Variants in FGF14 observed in about 807,000 individuals in gnomAD.
FGF14 encodes fibroblast growth factor 14, also known as fibroblast growth factor homologous factor 4.
FGF14 carries 5 observed loss-of-function variants against 25.5 expected under a neutral mutation model. That is an observed-to-expected ratio of 0.20 (90% CI 0.10 to 0.41). FGF14 has a LOEUF of 0.41. FGF14 is among the 10% of genes least tolerant of loss of function. The pLI is 1.00. For missense variants in FGF14, 222 were observed against 320.1 expected, an observed-to-expected ratio of 0.69 and a Z score of 2.34; for synonymous variants, 138 against 118.3, an observed-to-expected ratio of 1.17 and a Z score of -1.08.
Position 101,916,076 on chromosome 13 carries a change from C to A in FGF14, c.193+377G>T, listed in dbSNP as rs1039883334. Among the ~76,000 whole-genome samples, 15 of 152,312 alleles carry A rather than the reference C, an allele frequency of 9.8e-5. No homozygotes were observed. In the East Asian group the frequency reaches 2.5e-3, roughly 26 times the overall value. On this transcript the variant is annotated intron_variant, in intron 1 of 4. Transcript: ENST00000376143. Reference sequence around the variant, plus strand: ...ACCCCCACCAGCTCAGATCAGACTGCGAGCGGTGGCTCGACCCCGGGTGTG... The same window carrying A: ...ACCCCCACCAGCTCAGATCAGACTGAGAGCGGTGGCTCGACCCCGGGTGTG...
intron 1 of FGF14, among the ~76,000 whole-genome samples, chr13:101,982,824 C>T (rs1417243310): frequency 6.6e-6 from 1 of 152,162 alleles, no homozygotes; most frequent in African/African-American, 2.4e-5. Context: ...GAAGAAAGCT[C>T]TAAAGGCTCT....
At chr13:102,252,902 G>C (rs1425171069) in intron 1 of FGF14, among the ~76,000 whole-genome samples, 1 of 152,028 alleles carries the variant, frequency 6.6e-6, no homozygotes, top group African/African-American at 2.4e-5. Flanking sequence ...TCCCACTTAT[G>C]AGTGAGAACA....
rs16959384 is a variant in FGF14 at position 101,831,915 on chromosome 13, T to C, written c.408+36810A>G. Among the ~76,000 whole-genome samples the C allele has an allele frequency of 6.6e-3, 998 of 152,134 alleles. 12 individuals carry two copies. Among genetic ancestry groups the C allele is most frequent in the African/African-American group, 0.022 (930 of 41,526 alleles). On this transcript the variant is annotated intron_variant, in intron 3 of 4. Coordinates refer to ENST00000376143, the MANE Select transcript of FGF14 (RefSeq NM_004115.4). ...AATAAGCTGCCAATATTGGGCGTGA[T>C]AGTGTGTGATTGGGATTTAAAGTAG...
chr13:102,217,747 G>T (rs2050435894), intron 1 of FGF14, among the ~76,000 whole-genome samples: 1 of 152,198 alleles, frequency 6.6e-6, no homozygotes, highest in South Asian at 2.1e-4. Context: ...AGAGCAACAT[G>T]CAACCAACGC....
chr13:102,221,222 CTTAT>C (rs1381693434), intron 1 of FGF14, among the ~76,000 whole-genome samples: 2 of 152,152 alleles, frequency 1.3e-5, no homozygotes, highest in African/African-American at 4.8e-5. Context: ...GGAGACAACT[CTTAT>C]CAAAAGAGAA....
chr13:101,966,446 A>C (rs555834998), intron 1 of FGF14, among the ~76,000 whole-genome samples: 1 of 151,796 alleles, frequency 6.6e-6, no homozygotes, highest in Non-Finnish European at 1.5e-5. Context: ...CTCAGATTCC[A>C]GAACTGTTAG....
chr13:102,142,950 C>A (rs553756575), intron 1 of FGF14, among the ~76,000 whole-genome samples: 7 of 152,304 alleles, frequency 4.6e-5, no homozygotes, highest in African/African-American at 1.7e-4. Flanking sequence ...CTAAAATCTA[C>A]ACACCTTCTG....
intron 1 of FGF14, 148 bp downstream of exon 1, chr13:101,916,305 C>T (rs2033478017): frequency 2.1e-6 from 2 of 952,530 alleles, no homozygotes; most frequent in South Asian, 1.4e-5. Flanking sequence ...ACTCCAGGGT[C>T]CCCGCGACGG....
chr13:102,260,407 G>A (rs1213514760), intron 1 of FGF14, among the ~76,000 whole-genome samples: 1 of 152,232 alleles, frequency 6.6e-6, no homozygotes, highest in African/African-American at 2.4e-5. Context: ...GCAAAGTAAT[G>A]CCCTCCAGGC....
At position 101,714,188 on chromosome 13, in the gene FGF14, C is replaced by A. The variant is rs2034607898; in HGVS notation, c.*8643G>T. On this transcript the variant is annotated 3_prime_UTR_variant, in exon 5 of 5. Transcript: ENST00000376143. ...ATCCTGCTCTCATTGACATTTCAAC[C>A]AGACTGGGCCATGGGACATTTGTTC... is the stretch of plus-strand genomic sequence containing the variant. 2 of 433,176 alleles carry A rather than the reference C, an allele frequency of 4.6e-6. No individual in the cohort carries two copies. The highest frequency in any genetic ancestry group is 8.2e-6 in the Non-Finnish European group (2 of 243,112). The allele number at this position is 433,176 out of a possible 1,614,324, so 26.8% of individuals were successfully genotyped here.
chr13:102,262,860 G>A (rs756117460), intron 1 of FGF14, among the ~76,000 whole-genome samples: 10 of 152,126 alleles, frequency 6.6e-5, no homozygotes, highest in Non-Finnish European at 1.3e-4. Flanking sequence ...AAGGTCTCAC[G>A]TATTTATTAC....
intron 1 of FGF14, among the ~76,000 whole-genome samples, chr13:102,117,427 A>T (rs1458696855): frequency 6.6e-6 from 1 of 152,202 alleles, no homozygotes; most frequent in Non-Finnish European, 1.5e-5. Context: ...GCCAATTCAC[A>T]ATCCTAAGTT....
At chr13:102,257,267 T>G (rs1421750828) in intron 1 of FGF14, among the ~76,000 whole-genome samples, 1 of 151,930 alleles carries the variant, frequency 6.6e-6, no homozygotes, top group African/African-American at 2.4e-5. Flanking sequence ...AGTGAATTCT[T>G]TCAATAGTTT....
chr13:102,401,668 G>T, exon 1 of FGF14: 5 of 1,613,688 alleles, frequency 3.1e-6, no homozygotes, highest in Non-Finnish European at 4.2e-6. Context: ...GAGGGGCACC[G>T]GTTTTACCAT....
intron 4 of FGF14, among the ~76,000 whole-genome samples, chr13:101,723,626 G>C (rs1229907217): frequency 6.6e-6 from 1 of 152,054 alleles, no homozygotes; most frequent in Non-Finnish European, 1.5e-5. Flanking sequence ...TTTCTGCTAT[G>C]TTATTAAAAA....
chr13:102,005,193 C>T (rs1295270979), intron 1 of FGF14, among the ~76,000 whole-genome samples: 3 of 152,126 alleles, frequency 2.0e-5, no homozygotes, highest in Non-Finnish European at 4.4e-5. Flanking sequence ...GCTTTAGTAC[C>T]TGTTTTCCAC....
Position 101,713,072 on chromosome 13 carries a change from A to G in FGF14, c.*9759T>C, listed in dbSNP as rs2034550010. On this transcript the variant is annotated 3_prime_UTR_variant, in exon 5 of 5. Coordinates refer to ENST00000376143, the MANE Select transcript of FGF14 (RefSeq NM_004115.4). ...CAAGAAGTTAAAAAACACAATTGTC[A>G]CAATCTAAATAATTCTGACTGCACT... 6.6e-6 allele frequency: 1 copy of G among 152,258 alleles called. No homozygotes were observed. The highest frequency in any genetic ancestry group is 1.5e-5 in the Non-Finnish European group (1 of 68,040). 9.4% of individuals were successfully genotyped at this position (152,258 alleles called of 1,614,324 possible).
At chr13:101,841,720 G>T (rs115347705) in intron 3 of FGF14, among the ~76,000 whole-genome samples, 1 of 151,846 alleles carries the variant, frequency 6.6e-6, no homozygotes, top group Non-Finnish European at 1.5e-5. Context: ...CCTAGGACTC[G>T]TCTTTCTGTA....
chr13:101,937,987 T>C (rs1465044822), intron 1 of FGF14, among the ~76,000 whole-genome samples: 1 of 152,172 alleles, frequency 6.6e-6, no homozygotes, highest in African/African-American at 2.4e-5. Flanking sequence ...AACTCAACCC[T>C]TCTGTTAAAA....
Sources: allele counts gnomAD v4.1 joint callset (sites outside exome capture counted in the v4.1 genomes callset), GRCh38; gene constraint gnomAD v4.1.1; transcripts MANE v1.5; gene names NCBI Gene and HGNC (gene_info 2026-07-23, HGNC 2026-07-21).